The following GALNT14 variants were observed in gnomAD, a reference collection of about 807,000 sequenced individuals.
GALNT14 encodes the protein UDP-GalNAc:polypeptide N-acetylgalactosaminyltransferase 14.
A neutral mutation model predicts 77.5 loss-of-function variants in GALNT14; 60 were observed. The observed-to-expected ratio is 0.77, with a 90% CI of 0.63 to 0.96. GALNT14 has a LOEUF of 0.96. Ranked by LOEUF, GALNT14 falls within the 40% of genes least tolerant of loss-of-function variation. GALNT14 has a pLI of 0.00. For missense variants in GALNT14, 710 were observed against 731.0 expected (o/e 0.97, Z 0.33); for synonymous variants, 280 against 281.7 (o/e 0.99, Z 0.06).
At chr2:30,972,855 G>A (rs1302605544) in intron 2 of GALNT14, among the ~76,000 whole-genome samples, 1 of 152,206 alleles carries the variant, frequency 6.6e-6, no homozygotes, top group Non-Finnish European at 1.5e-5. Flanking sequence ...ATGGGAAACC[G>A]CTGGTGGGCT....
chr2:31,010,700 T>C (rs1670974756), intron 1 of GALNT14, among the ~76,000 whole-genome samples: 1 of 152,158 alleles, frequency 6.6e-6, no homozygotes, highest in Non-Finnish European at 1.5e-5. Context: ...GTCCTCACTC[T>C]TTCCTGTGGC....
chr2:31,109,127 G>T (rs1677711876), intron 1 of GALNT14, among the ~76,000 whole-genome samples: 1 of 152,164 alleles, frequency 6.6e-6, no homozygotes, highest in Admixed American at 6.5e-5. Flanking sequence ...CCTTGTGCTT[G>T]GTGAATCAGC....
intron 3 of GALNT14, among the ~76,000 whole-genome samples, chr2:30,962,909 T>C (rs530629465): frequency 6.6e-6 from 1 of 152,298 alleles, no homozygotes; most frequent in South Asian, 2.1e-4. Context: ...TGCAACAGGA[T>C]AGAGAGTGAA....
At chr2:30,960,571 C>T (rs1667633294) in intron 3 of GALNT14, among the ~76,000 whole-genome samples, 1 of 152,076 alleles carries the variant, frequency 6.6e-6, no homozygotes, top group Non-Finnish European at 1.5e-5. Context: ...CTTCTCTAAT[C>T]AGAACAATTG....
intron 1 of GALNT14, among the ~76,000 whole-genome samples, chr2:31,091,469 G>C (rs115267005): frequency 6.6e-6 from 1 of 152,178 alleles, no homozygotes; most frequent in South Asian, 2.1e-4. Flanking sequence ...GCCAACTCCT[G>C]ATAGAGATCA....
At chr2:31,055,271 C>T (rs576343436) in intron 1 of GALNT14, among the ~76,000 whole-genome samples, 25 of 152,294 alleles carry the variant, frequency 1.6e-4, no homozygotes, top group African/African-American at 4.6e-4. Context: ...ATCAGTGGGG[C>T]GCCAGCATAC....
intron 11 of GALNT14, 126 bp from the exon 12 acceptor site, chr2:30,924,949 T>C: frequency 1.5e-6 from 1 of 655,154 alleles, no homozygotes. Context: ...TGCTCACATC[T>C]CTCTGGAAGG....
intron 1 of GALNT14, among the ~76,000 whole-genome samples, chr2:31,001,040 A>G (rs1405572907): frequency 6.6e-6 from 1 of 152,166 alleles, no homozygotes; most frequent in African/African-American, 2.4e-5. Flanking sequence ...CAAAGCCTGT[A>G]CTGTCTTCCC....
intron 1 of GALNT14, among the ~76,000 whole-genome samples, chr2:31,008,705 T>C (rs1234354478): frequency 6.6e-6 from 1 of 152,218 alleles, no homozygotes; most frequent in East Asian, 1.9e-4. Flanking sequence ...AAGTAGGTCA[T>C]TAGTGGTAAA....
intron 1 of GALNT14, among the ~76,000 whole-genome samples, chr2:31,083,701 T>C (rs1676269526): frequency 6.6e-6 from 1 of 152,154 alleles, no homozygotes; most frequent in African/African-American, 2.4e-5. Flanking sequence ...GGACGTGTCT[T>C]TGTGGAAAGG....
At position 30,911,051 on chromosome 2, in the gene GALNT14, G is replaced by T. The variant is rs1664330119; in HGVS notation, c.1509C>A (p.Thr503=). 2 of 1,613,584 alleles carry T rather than the reference G, an allele frequency of 1.2e-6. No individual in the cohort carries two copies. Among genetic ancestry groups the T allele is most frequent in the African/African-American group, 2.7e-5 (2 of 74,836 alleles). Residue 503 remains threonine, a synonymous_variant, in exon 15 of 15, where the codon ACC becomes ACA. Coordinates refer to ENST00000349752, the MANE Select transcript of GALNT14 (RefSeq NM_024572.4). ...TGTGCTCGATGTGGGAACCAGTTTT[G>T]GTCCATTGCTGGTAAGACAAAGAAG... ...CKNGDDRQQW[T]KTGSHIEHIA...
intron 1 of GALNT14, among the ~76,000 whole-genome samples, chr2:31,052,172 C>T (rs1315455372): frequency 2.0e-5 from 3 of 152,140 alleles, no homozygotes; most frequent in Admixed American, 1.3e-4. Context: ...ACCCAGGACA[C>T]TGCCCCCTAC....
At chr2:31,095,598 T>G (rs555815452) in intron 1 of GALNT14, among the ~76,000 whole-genome samples, 1 of 152,262 alleles carries the variant, frequency 6.6e-6, no homozygotes, top group South Asian at 2.1e-4. Context: ...TGACCCTCCA[T>G]GAGGGTAGTG....
downstream of GALNT14, among the ~76,000 whole-genome samples, chr2:30,909,160 A>G (rs1172911776): frequency 6.6e-6 from 1 of 151,724 alleles, no homozygotes; most frequent in Admixed American, 6.6e-5. Flanking sequence ...CAAGGACTTC[A>G]TGTCTAAAAC....
Position 31,083,647 on chromosome 2 carries a change from A to C in GALNT14, c.129+54311T>G, listed in dbSNP as rs114049055. On this transcript the variant is annotated intron_variant, in intron 1 of 14. Coordinates refer to ENST00000349752, the MANE Select transcript of GALNT14 (RefSeq NM_024572.4). ...ACTCAATCTATATGCACAGTATCTG[A>C]GAAAGTTGATCAGTGGGATTGGGAT... is the stretch of plus-strand genomic sequence containing the variant. 2.9e-3 allele frequency among the ~76,000 whole-genome samples: 446 copies of C among 152,252 alleles called. 5 individuals are homozygous for C. Among genetic ancestry groups the C allele is most frequent in the African/African-American group, 0.01 (417 of 41,556 alleles).
At chr2:30,928,079 T>C (rs1462758089) in intron 11 of GALNT14, among the ~76,000 whole-genome samples, 2 of 152,082 alleles carry the variant, frequency 1.3e-5, no homozygotes, top group African/African-American at 4.8e-5. Flanking sequence ...ATGTGGTTGA[T>C]ATGGCCAACA....
intron 1 of GALNT14, among the ~76,000 whole-genome samples, chr2:31,117,948 C>T (rs1210658202): frequency 6.6e-6 from 1 of 152,140 alleles, no homozygotes; most frequent in Non-Finnish European, 1.5e-5. Context: ...TATGGCAGAT[C>T]GTGCATGGGA....
chr2:30,951,252 C>A (rs755817823), intron 6 of GALNT14, among the ~76,000 whole-genome samples: 6 of 152,178 alleles, frequency 3.9e-5, no homozygotes, highest in African/African-American at 7.2e-5. Flanking sequence ...CCAATACATG[C>A]ATTCATACTT....
chr2:30,965,454 C>A (rs1363362183), intron 3 of GALNT14, among the ~76,000 whole-genome samples: 1 of 45,692 alleles, frequency 2.2e-5, no homozygotes. Context: ...GAGGGGAGGG[C>A]GGGCATGGGG....
Sources: allele counts gnomAD v4.1 joint callset (sites outside exome capture counted in the v4.1 genomes callset), GRCh38; gene constraint gnomAD v4.1.1; transcripts MANE v1.5; gene names NCBI Gene and HGNC (gene_info 2026-07-23, HGNC 2026-07-21).